Variants in RHOT1 observed in about 807,000 individuals in gnomAD.
The protein encoded by RHOT1 is ras homolog family member T1.
A neutral mutation model predicts 95.3 loss-of-function variants in RHOT1; 27 were observed. The ratio of observed to expected loss-of-function variants is 0.28; its 90% CI spans 0.21 to 0.39. The LOEUF (loss-of-function observed/expected upper bound fraction) is 0.39. Ranked by LOEUF, RHOT1 falls within the 10% of genes least tolerant of loss-of-function variation. The probability of loss-of-function intolerance (pLI) is 1.00; values close to 1 mark genes in which losing one functional copy is unlikely to be tolerated. For missense variants in RHOT1, 578 were observed against 786.7 expected, an observed-to-expected ratio of 0.73 and a Z score of 3.17; for synonymous variants, 227 against 263.5, an observed-to-expected ratio of 0.86 and a Z score of 1.34.
At chr17:32,147,143 C>T (rs576026333) in intron 1 of RHOT1, among the ~76,000 whole-genome samples, 1 of 151,860 alleles carries the variant, frequency 6.6e-6, no homozygotes, top group Non-Finnish European at 1.5e-5. Context: ...CTCTCAGGTT[C>T]AAGCGATTCT....
At chr17:32,202,441 T>G (rs2037396030) in intron 14 of RHOT1, among the ~76,000 whole-genome samples, 1 of 152,222 alleles carries the variant, frequency 6.6e-6, no homozygotes, top group South Asian at 2.1e-4. Context: ...AATATAATGT[T>G]GGCTATATTC....
At chr17:32,181,865 C>T (rs893084490) in intron 6 of RHOT1, among the ~76,000 whole-genome samples, 3 of 152,152 alleles carry the variant, frequency 2.0e-5, no homozygotes, top group African/African-American at 7.2e-5. Context: ...TTTCTAACCC[C>T]ATTTTATACC....
intron 11 of RHOT1, among the ~76,000 whole-genome samples, chr17:32,197,976 C>A (rs991003734): frequency 9.9e-5 from 15 of 152,186 alleles, no homozygotes; most frequent in Non-Finnish European, 2.2e-4. Context: ...CTCACTGCAT[C>A]CTTAACCTCC....
chr17:32,210,344 C>T (rs943719505), intron 18 of RHOT1, among the ~76,000 whole-genome samples: 9 of 152,310 alleles, frequency 5.9e-5, no homozygotes, highest in African/African-American at 1.9e-4. Flanking sequence ...CCCCCTGTGC[C>T]TGCACCAACT....
At chr17:32,169,094 C>G (rs1003228499) in intron 1 of RHOT1, among the ~76,000 whole-genome samples, 9 of 152,150 alleles carry the variant, frequency 5.9e-5, no homozygotes, top group African/African-American at 2.2e-4. Context: ...CAGCGGTACT[C>G]GGTTGTTCAT....
intron 2 of RHOT1, among the ~76,000 whole-genome samples, chr17:32,171,376 G>A (rs1446027278): frequency 6.6e-6 from 1 of 152,106 alleles, no homozygotes; most frequent in Non-Finnish European, 1.5e-5. Context: ...ATGTGCCACT[G>A]TGCCCTGCCA....
chr17:32,162,043 G>A (rs550264733), intron 1 of RHOT1, among the ~76,000 whole-genome samples: 18 of 152,204 alleles, frequency 1.2e-4, no homozygotes, highest in East Asian at 5.8e-4. Context: ...TTTGATGTTC[G>A]GAGTTTTTAT....
chr17:32,176,303 T>G, intron 6 of RHOT1, 90 bp downstream of exon 6: 2 of 1,000,864 alleles, frequency 2.0e-6, no homozygotes, highest in Non-Finnish European at 3.0e-6. Flanking sequence ...CTTCCCTAAA[T>G]CCTTCACTTA....
At chr17:32,209,112 A>C in intron 18 of RHOT1, 1 of 254,960 alleles carries the variant, frequency 3.9e-6, no homozygotes, top group Non-Finnish European at 7.4e-6. Context: ...ACACAGAGTA[A>C]TAATCAAACA....
intron 6 of RHOT1, chr17:32,178,988 CTGG>C: frequency 6.7e-6 from 1 of 149,994 alleles, no homozygotes; most frequent in African/African-American, 2.6e-5. Context: ...GCGCCTCTGC[CTGG>C]CAGCCCTGTC....
intron 11 of RHOT1, among the ~76,000 whole-genome samples, chr17:32,196,461 G>A (rs1454606840): frequency 4.6e-5 from 7 of 151,980 alleles, no homozygotes; most frequent in Non-Finnish European, 1.0e-4. Flanking sequence ...TAAAGTGCTG[G>A]GATTACAAGC....
At chr17:32,172,564 G>A (rs1055361895) in intron 2 of RHOT1, among the ~76,000 whole-genome samples, 3 of 152,234 alleles carry the variant, frequency 2.0e-5, no homozygotes. Flanking sequence ...TGGGCGCAGT[G>A]GCTCACGCCT....
chr17:32,216,457 T>C (rs1408818917), intron 19 of RHOT1, among the ~76,000 whole-genome samples: 1 of 152,174 alleles, frequency 6.6e-6, no homozygotes, highest in African/African-American at 2.4e-5. Flanking sequence ...TGTTACTTCT[T>C]AAGTTCAGTA....
At chr17:32,185,867 C>A (rs1009387445) in intron 8 of RHOT1, among the ~76,000 whole-genome samples, 2 of 151,890 alleles carry the variant, frequency 1.3e-5, no homozygotes, top group African/African-American at 2.4e-5. Context: ...ACTACAGGCA[C>A]ATGCCACCGT....
intron 4 of RHOT1, 82 bp from the exon 5 acceptor site, chr17:32,175,880 A>G (rs1443675578): frequency 5.5e-6 from 5 of 901,570 alleles, no homozygotes; most frequent in Middle Eastern, 3.6e-4. Flanking sequence ...TTTCACCCGA[A>G]TATATTAATA....
Position 32,194,094 on chromosome 17 carries a change from T to C in RHOT1, c.856T>C (p.Tyr286His). Residue 286 changes from tyrosine to histidine, a missense_variant, in exon 11 of 20, where the codon TAT (tyrosine) becomes CAT (histidine). Tyr to His is a moderately conservative substitution (Grantham distance 83). This residue lies in a region of RHOT1 where 227 missense variants were observed against 316.0 expected (regional missense o/e 0.72). Transcript: ENST00000545287. ...YDDDLDLTPE[Y>H]LFPLLKIPPD... ...TGATGACCTGGATTTGACACCTGAA[T>C]ATTTGTTCCCCCTGTATGTACCTTT... 1.9e-6 allele frequency: 3 copies of C among 1,614,132 alleles called. No homozygotes were observed. In the South Asian group the frequency reaches 3.3e-5, roughly 18 times the overall value.
chr17:32,197,302 C>T (rs967851430), intron 11 of RHOT1, among the ~76,000 whole-genome samples: 3 of 151,524 alleles, frequency 2.0e-5, no homozygotes, highest in South Asian at 2.1e-4. Context: ...AATCTTGGCT[C>T]GCTGCAACCT....
chr17:32,147,277 T>G (rs1047336081), intron 1 of RHOT1, among the ~76,000 whole-genome samples: 1 of 151,914 alleles, frequency 6.6e-6, no homozygotes, highest in African/African-American at 2.4e-5. Context: ...ACTCCTGACC[T>G]CAAATGATCC....
chr17:32,171,133 A>T, intron 2 of RHOT1, 32 bp downstream of exon 2: 1 of 1,413,774 alleles, frequency 7.1e-7, no homozygotes, highest in African/African-American at 1.4e-5. Flanking sequence ...TTTAAATTTT[A>T]AAAAATTTAT....
Sources: gnomAD v4.1 joint callset for allele counts (sites outside exome capture counted in the v4.1 genomes callset) on GRCh38, gnomAD v4.1.1 for gene constraint, gnomAD v4.1.1 regional missense constraint, MANE v1.5 for transcripts, NCBI Gene and HGNC (gene_info 2026-07-23, HGNC 2026-07-21) for gene names.